Variants in WDR49 observed in about 807,000 individuals in gnomAD.
WDR49 encodes the protein WD repeat domain 49, also known as cilia- and flagella-associated protein 337.
In WDR49, 107 loss-of-function variants were observed where a neutral mutation model predicts 119.5. That is an observed-to-expected ratio of 0.90 (90% confidence interval 0.77 to 1.05). The LOEUF (loss-of-function observed/expected upper bound fraction) is 1.05, where lower values mean the gene tolerates loss of function less well. Ranked by LOEUF, WDR49 falls within the 50% of genes least tolerant of loss-of-function variation. The pLI is 0.00. For synonymous variants in WDR49, 425 were observed against 418.8 expected, an observed-to-expected ratio of 1.01 and a Z score of -0.18; for missense variants, 1,240 against 1,220.5, an observed-to-expected ratio of 1.02 and a Z score of -0.24.
intron 8 of WDR49, among the ~76,000 whole-genome samples, chr3:167,572,670 C>T (rs982329693): frequency 3.9e-5 from 6 of 152,158 alleles, no homozygotes; most frequent in African/African-American, 1.4e-4. Context: ...ACAAAAGGAT[C>T]TTCCCCTCAC....
At chr3:167,606,935 T>C (rs558955143) in intron 5 of WDR49, among the ~76,000 whole-genome samples, 1 of 152,252 alleles carries the variant, frequency 6.6e-6, no homozygotes, top group East Asian at 1.9e-4. Flanking sequence ...TCCAAAGATA[T>C]ACAAGACACT....
intron 18 of WDR49, among the ~76,000 whole-genome samples, chr3:167,485,325 C>T (rs1226707146): frequency 3.3e-5 from 5 of 151,220 alleles, no homozygotes; most frequent in South Asian, 2.1e-4. Flanking sequence ...AAAACCTTCA[C>T]GTTCTATACA....
chr3:167,611,356 C>G (rs992635508), intron 5 of WDR49, among the ~76,000 whole-genome samples: 1 of 151,876 alleles, frequency 6.6e-6, no homozygotes, highest in African/African-American at 2.4e-5. Context: ...AAATAAAAAG[C>G]AAGAAACTAA....
At chr3:167,620,040 A>C (rs1169635611) in intron 5 of WDR49, among the ~76,000 whole-genome samples, 1 of 152,152 alleles carries the variant, frequency 6.6e-6, no homozygotes, top group Non-Finnish European at 1.5e-5. Flanking sequence ...TTCCCATGAG[A>C]ACATAAGGAA....
chr3:167,627,221 A>G lies in WDR49; in HGVS notation c.237T>C (p.Gly79=). 1 of 1,253,848 alleles carries G rather than the reference A, an allele frequency of 8.0e-7. No homozygotes were observed. The highest frequency in any genetic ancestry group is 1.0e-6 in the Non-Finnish European group (1 of 999,550). The allele number at this position is 1,253,848 out of a possible 1,614,324, so 77.7% of individuals were successfully genotyped here. A position where few individuals can be genotyped will look rare whatever the true frequency, so the allele number is the denominator to read the frequency against. The change falls in exon 3 of 19, where the codon GGT becomes GGC. Residue 79 remains glycine (G), a synonymous_variant. Transcript: ENST00000682715. ...CCCCATATTCTTCCTTCGTGCCCCA[A>G]CCAACAATCTCTGTCATCTTCTGCG... The part of the protein sequence containing the change: ...DFTQKMTEIV[G]WGTKEEYGEL...
At chr3:167,482,194 A>C (rs1446587492) in intron 18 of WDR49, among the ~76,000 whole-genome samples, 1 of 152,196 alleles carries the variant, frequency 6.6e-6, no homozygotes, top group African/African-American at 2.4e-5. Context: ...TATTTTATAG[A>C]AATGACCAAC....
chr3:167,645,817 G>A (rs1718095145), intron 2 of WDR49, among the ~76,000 whole-genome samples: 1 of 152,068 alleles, frequency 6.6e-6, no homozygotes, highest in Middle Eastern at 3.2e-3. Flanking sequence ...GCCTGCCTGG[G>A]ACTTCTATTT....
chr3:167,543,253 A>G (rs1384212338), intron 10 of WDR49, among the ~76,000 whole-genome samples: 1 of 152,094 alleles, frequency 6.6e-6, no homozygotes, highest in East Asian at 1.9e-4. Flanking sequence ...CTATTCCAAA[A>G]GATAGAGAAA....
At chr3:167,526,526 A>C (rs1268389437) in intron 15 of WDR49, among the ~76,000 whole-genome samples, 4 of 152,144 alleles carry the variant, frequency 2.6e-5, no homozygotes, top group African/African-American at 9.7e-5. Context: ...ACTGCCAGCC[A>C]TGTCCCACCC....
intron 2 of WDR49, among the ~76,000 whole-genome samples, chr3:167,640,611 CTTTG>C (rs1461533633): frequency 6.6e-6 from 1 of 151,788 alleles, no homozygotes; most frequent in Non-Finnish European, 1.5e-5. Flanking sequence ...GCCAAAATAT[CTTTG>C]TTTGAGAAAA....
At chr3:167,509,737 G>A (rs1349074547) in intron 16 of WDR49, among the ~76,000 whole-genome samples, 1 of 152,070 alleles carries the variant, frequency 6.6e-6, no homozygotes. Context: ...TCTAATATGT[G>A]CACATGAAGG....
At chr3:167,630,326 T>G (rs1717315970) in intron 2 of WDR49, among the ~76,000 whole-genome samples, 1 of 152,148 alleles carries the variant, frequency 6.6e-6, no homozygotes, top group Non-Finnish European at 1.5e-5. Flanking sequence ...TAAAGTATTT[T>G]TTAATTAAGA....
At chr3:167,541,906 A>G (rs1422350580) in intron 10 of WDR49, among the ~76,000 whole-genome samples, 3 of 152,024 alleles carry the variant, frequency 2.0e-5, no homozygotes, top group East Asian at 1.9e-4. Flanking sequence ...AGCTATTCTT[A>G]TATCAGACAA....
intron 16 of WDR49, among the ~76,000 whole-genome samples, chr3:167,506,414 T>A (rs1446576699): frequency 6.6e-6 from 1 of 152,186 alleles, no homozygotes; most frequent in African/African-American, 2.4e-5. Context: ...TTCTTTTTCC[T>A]CCACTCTATT....
chr3:167,627,003 GA>G lies in WDR49; in HGVS notation c.454del (p.Ser152GlnfsTer5). On this transcript the variant is annotated frameshift_variant, in exon 3 of 19. Transcript: ENST00000682715. LOFTEE classifies it high-confidence loss of function. ...TIQKVIFLKN[S>X]SHYLTISKEG... The stretch of plus-strand genomic sequence containing the variant: ...TTTACTAATTGTCAGATAATGACTT[GA>G]ATTTTTTAAGAAAATTACTTTTTGA... 1.5e-6 allele frequency: 2 copies of G among 1,327,846 alleles called. No individual in the cohort carries two copies. Among genetic ancestry groups the G allele is most frequent in the South Asian group, 2.4e-5 (1 of 41,556 alleles). The allele number at this position is 1,327,846 out of a possible 1,614,324, so 82.3% of individuals were successfully genotyped here.
intron 18 of WDR49, among the ~76,000 whole-genome samples, chr3:167,495,140 C>A (rs1304472597): frequency 2.0e-5 from 3 of 151,930 alleles, no homozygotes; most frequent in Non-Finnish European, 4.4e-5. Context: ...AAAAATGAGA[C>A]TAAAAACCAA....
At chr3:167,630,914 A>G (rs552171171) in intron 2 of WDR49, among the ~76,000 whole-genome samples, 1 of 152,242 alleles carries the variant, frequency 6.6e-6, no homozygotes, top group African/African-American at 2.4e-5. Context: ...TAACACATGT[A>G]TCTTCTCAGT....
At chr3:167,622,042 A>G (rs1258098106) in intron 3 of WDR49, among the ~76,000 whole-genome samples, 1 of 152,112 alleles carries the variant, frequency 6.6e-6, no homozygotes, top group Admixed American at 6.6e-5. Flanking sequence ...TTTGATACAG[A>G]CTCTATAAGT....
At chr3:167,594,502 G>A (rs79078413) in intron 7 of WDR49, among the ~76,000 whole-genome samples, 3,969 of 152,242 alleles carry the variant, frequency 0.026, 166 homozygotes, top group East Asian at 0.17. Context: ...AAGCATTCAA[G>A]ATGTGACCTG....
Sources: gnomAD v4.1 joint callset for allele counts (sites outside exome capture counted in the v4.1 genomes callset) on GRCh38, gnomAD v4.1.1 for gene constraint, MANE v1.5 for transcripts, NCBI Gene and HGNC (gene_info 2026-07-23, HGNC 2026-07-21) for gene names.